Variants in CHIC1 observed in about 807,000 individuals in gnomAD.
The protein encoded by CHIC1 is cysteine rich hydrophobic domain 1, also known as cysteine-rich hydrophobic domain-containing protein 1.
Under a neutral mutation model 18.5 loss-of-function variants are expected in CHIC1, and 7 were observed. The ratio of observed to expected loss-of-function variants is 0.38; its 90% CI spans 0.22 to 0.71. CHIC1 has a LOEUF of 0.71. CHIC1 is among the 30% of genes least tolerant of loss of function. CHIC1 has a pLI of 0.49. For missense variants in CHIC1, 159 were observed against 176.9 expected, an observed-to-expected ratio of 0.90 and a Z score of 0.57; for synonymous variants, 77 against 73.5, an observed-to-expected ratio of 1.05 and a Z score of -0.25.
At chrX:73,663,383 A>G (rs1271052392) in intron 3 of CHIC1, among the ~76,000 whole-genome samples, 7 of 110,969 alleles carry the variant, frequency 6.3e-5, no homozygotes, top group Non-Finnish European at 1.1e-4. Context: ...GAAGGATAAT[A>G]ACAGTGCCCT....
rs976318311 is a variant in CHIC1, at chrX:73,679,733, T to C, written c.624+20T>C. ...GAGTATGTAAGTATGAGGTTGTTTT[T>C]AATTATTTTTTTATTCATTCTAAAT... is the stretch of plus-strand genomic sequence containing the variant. On this transcript the variant is annotated intron_variant, in intron 5 of 5. Coordinates refer to ENST00000373502, the MANE Select transcript of CHIC1 (RefSeq NM_001039840.4). The C allele has an allele frequency of 1.1e-6, 1 of 906,672 alleles. No homozygotes were observed. Among genetic ancestry groups the C allele is most frequent in the Admixed American group, 4.1e-5 (1 of 24,319 alleles). 74.7% of individuals were successfully genotyped at this position (906,672 alleles called of 1,213,427 possible).
chrX:73,646,595 G>A (rs1392522119), intron 3 of CHIC1, among the ~76,000 whole-genome samples: 2 of 111,855 alleles, frequency 1.8e-5, no homozygotes, highest in Non-Finnish European at 3.8e-5. Context: ...TGATGCTATT[G>A]TAAATGGAAT....
chrX:73,671,753 G>T (rs1294181772), intron 3 of CHIC1, among the ~76,000 whole-genome samples: 5 of 103,649 alleles, frequency 4.8e-5, no homozygotes, highest in Admixed American at 2.1e-4. Context: ...ATTTTTTTGT[G>T]CTTGTTCTTT....
chrX:73,628,150 A>G (rs1463804957), intron 3 of CHIC1, among the ~76,000 whole-genome samples: 1 of 111,353 alleles, frequency 9.0e-6, no homozygotes, highest in Non-Finnish European at 1.9e-5. Context: ...TGTGGCTAAG[A>G]TAGTATCCAA....
At chrX:73,649,654 T>C (rs761932328) in intron 3 of CHIC1, among the ~76,000 whole-genome samples, 130 of 112,037 alleles carry the variant, frequency 1.2e-3, no homozygotes, top group Non-Finnish European at 2.1e-3. Flanking sequence ...CCTAAACATA[T>C]ATGCACCCAA....
intron 3 of CHIC1, among the ~76,000 whole-genome samples, chrX:73,634,999 C>T (rs2057825205): frequency 9.0e-6 from 1 of 110,666 alleles, no homozygotes; most frequent in Non-Finnish European, 1.9e-5. Context: ...GACTCTGGCT[C>T]CCACAAAAGT....
chrX:73,659,920 G>A (rs2057971448), intron 3 of CHIC1, among the ~76,000 whole-genome samples: 1 of 111,531 alleles, frequency 9.0e-6, no homozygotes, highest in African/African-American at 3.3e-5. Flanking sequence ...ACGTGGCTAC[G>A]AAACTGTCAT....
At chrX:73,679,529 T>A in intron 4 of CHIC1, 125 bp from the exon 5 acceptor site, 1 of 564,432 alleles carries the variant, frequency 1.8e-6, no homozygotes, top group Non-Finnish European at 2.8e-6. Flanking sequence ...TTACAAGGTA[T>A]TTTTAAGTGC....
At chrX:73,673,958 AG>A (rs1294562667) in intron 3 of CHIC1, among the ~76,000 whole-genome samples, 1 of 111,938 alleles carries the variant, frequency 8.9e-6, no homozygotes, top group African/African-American at 3.2e-5. Flanking sequence ...TTTAGCATGA[AG>A]GGTTGTTGAA....
intron 3 of CHIC1, among the ~76,000 whole-genome samples, chrX:73,608,380 TA>T (rs201820163): frequency 0.042 from 4,524 of 108,625 alleles, 175 homozygotes; most frequent in Middle Eastern, 0.055. Flanking sequence ...GCTTGGCTAA[TA>T]GGGGTATCTT....
intron 3 of CHIC1, among the ~76,000 whole-genome samples, chrX:73,595,394 A>C (rs888384543): frequency 8.2e-5 from 9 of 109,894 alleles, no homozygotes; most frequent in African/African-American, 2.7e-4. Flanking sequence ...TCATTGTTCA[A>C]CTCCCACTTA....
intron 3 of CHIC1, among the ~76,000 whole-genome samples, chrX:73,611,236 T>A (rs1238964615): frequency 9.3e-6 from 1 of 108,082 alleles, no homozygotes; most frequent in Non-Finnish European, 1.9e-5. Context: ...GTTCTCATTG[T>A]TCAGTTCCCA....
intron 3 of CHIC1, among the ~76,000 whole-genome samples, chrX:73,586,795 G>T: frequency 8.9e-6 from 1 of 111,791 alleles, no homozygotes; most frequent in East Asian, 2.9e-4. Flanking sequence ...CTAGTCCTGA[G>T]ACCAGAAATG....
intron 3 of CHIC1, among the ~76,000 whole-genome samples, chrX:73,656,388 T>C (rs1432593816): frequency 8.9e-6 from 1 of 112,282 alleles, no homozygotes; most frequent in Non-Finnish European, 1.9e-5. Flanking sequence ...GTCTATTTCC[T>C]GAATGGTGTT....
At chrX:73,655,633 G>T (rs868017637) in intron 3 of CHIC1, among the ~76,000 whole-genome samples, 2 of 7,666 alleles carry the variant, frequency 2.6e-4, no homozygotes, top group African/African-American at 3.7e-4. Flanking sequence ...TATATATATA[G>T]TGTGTGTGTG....
intron 1 of CHIC1, among the ~76,000 whole-genome samples, chrX:73,573,651 G>A (rs2147540900): frequency 9.0e-6 from 1 of 110,942 alleles, no homozygotes; most frequent in East Asian, 2.8e-4. Context: ...TTGGTTAGAT[G>A]TATTCCTAGG....
At chrX:73,598,579 G>C (rs1440907236) in intron 3 of CHIC1, among the ~76,000 whole-genome samples, 1 of 103,767 alleles carries the variant, frequency 9.6e-6, no homozygotes, top group African/African-American at 3.5e-5. Context: ...AGAATATGTG[G>C]TGTTTGGCTT....
chrX:73,586,154 C>G (rs2057552065), intron 3 of CHIC1, among the ~76,000 whole-genome samples: 1 of 111,373 alleles, frequency 9.0e-6, no homozygotes, highest in Non-Finnish European at 1.9e-5. Flanking sequence ...TCTGGCAATA[C>G]CGGGCCCACA....
intron 3 of CHIC1, among the ~76,000 whole-genome samples, chrX:73,651,996 A>T (rs2057919236): frequency 8.9e-6 from 1 of 112,180 alleles, no homozygotes; most frequent in Non-Finnish European, 1.9e-5. Flanking sequence ...CTGTAATGCA[A>T]GGCTACAGTA....
Sources: gnomAD v4.1 joint callset for allele counts (sites outside exome capture counted in the v4.1 genomes callset) on GRCh38, gnomAD v4.1.1 for gene constraint, MANE v1.5 for transcripts, NCBI Gene and HGNC (gene_info 2026-07-23, HGNC 2026-07-21) for gene names.